The following BLMH variants were observed in gnomAD, a reference collection of about 807,000 sequenced individuals.
The protein encoded by BLMH is BLM hydrolase.
In BLMH, 32 loss-of-function variants were observed where a neutral mutation model predicts 61.6. The observed-to-expected ratio is 0.52, with a 90% CI of 0.39 to 0.70. The LOEUF (loss-of-function observed/expected upper bound fraction) is 0.70. Ranked by LOEUF, BLMH falls within the 30% of genes least tolerant of loss-of-function variation. The pLI, the probability that BLMH is intolerant of heterozygous loss-of-function variation, is 0.00. For synonymous variants in BLMH, 183 were observed against 193.8 expected (o/e 0.94, Z 0.46); for missense variants, 460 against 555.5 (o/e 0.83, Z 1.73).
At chr17:30,265,347 C>T (rs184678545) in intron 11 of BLMH, among the ~76,000 whole-genome samples, 1 of 152,252 alleles carries the variant, frequency 6.6e-6, no homozygotes, top group Non-Finnish European at 1.5e-5. Context: ...CTCAGCTTAA[C>T]AGGCTCTTCT....
intron 11 of BLMH, among the ~76,000 whole-genome samples, chr17:30,251,429 T>C (rs1907664710): frequency 6.6e-6 from 1 of 152,236 alleles, no homozygotes; most frequent in Non-Finnish European, 1.5e-5. Context: ...CGATGTGTAC[T>C]GAATCAAGAG....
intron 6 of BLMH, among the ~76,000 whole-genome samples, chr17:30,282,219 G>GTT (rs74886535): frequency 0.023 from 2,850 of 122,120 alleles, 92 homozygotes; most frequent in African/African-American, 0.068. Context: ...AACAGACAAG[G>GTT]TTTTTTTTTT....
intron 11 of BLMH, among the ~76,000 whole-genome samples, chr17:30,256,739 A>C (rs1208011813): frequency 6.6e-6 from 1 of 152,166 alleles, no homozygotes; most frequent in Admixed American, 6.5e-5. Flanking sequence ...AAAAAACAAA[A>C]AAAAAAGAAG....
At chr17:30,278,556 C>T (rs1223045771) in intron 6 of BLMH, among the ~76,000 whole-genome samples, 2 of 152,218 alleles carry the variant, frequency 1.3e-5, no homozygotes, top group Admixed American at 6.5e-5. Flanking sequence ...CCTACTAGAA[C>T]ATCAACTACA....
rs149577168 is a variant in BLMH at position 30,288,507 on chromosome 17, G to A, written c.322-560C>T. ...AGCTGGGAGGACAGGTGTGCACCACGCGTGGCTAATTTTTGTATTTTTTGT... is the reference window on the plus strand; with the variant it reads ...AGCTGGGAGGACAGGTGTGCACCACACGTGGCTAATTTTTGTATTTTTTGT... On this transcript the variant is annotated intron_variant, in intron 3 of 11. Transcript: ENST00000261714. Among the ~76,000 whole-genome samples, 49 of 151,970 alleles carry A rather than the reference G, an allele frequency of 3.2e-4. 1 individual carries two copies. Among genetic ancestry groups the A allele is most frequent in the African/African-American group, 1.0e-3 (43 of 41,340 alleles).
At chr17:30,262,779 A>G (rs1344879972) in intron 11 of BLMH, among the ~76,000 whole-genome samples, 1 of 152,242 alleles carries the variant, frequency 6.6e-6, no homozygotes, top group Non-Finnish European at 1.5e-5. Context: ...TGGGCAACAG[A>G]GCAAGACTCC....
In BLMH at chr17:30,289,786, T is replaced by C. The variant is rs575647554; in HGVS notation, c.212-304A>G. Among the ~76,000 whole-genome samples, 29 of 152,332 alleles carry C rather than the reference T, an allele frequency of 1.9e-4. No individual in the cohort carries two copies. In the East Asian group the frequency reaches 4.4e-3, roughly 23 times the overall value. ...AAAATAAATTAACTGAGAGCGCCAT[T>C]AGAAAAGTCTTTTAAGGTCTTAAAT... On this transcript the variant is annotated intron_variant, in intron 2 of 11. Coordinates refer to ENST00000261714, the MANE Select transcript of BLMH (RefSeq NM_000386.4).
At chr17:30,256,738 A>C (rs1907829546) in intron 11 of BLMH, among the ~76,000 whole-genome samples, 1 of 152,142 alleles carries the variant, frequency 6.6e-6, no homozygotes, top group African/African-American at 2.4e-5. Flanking sequence ...AAAAAAACAA[A>C]AAAAAAAGAA....
At chr17:30,279,919 T>C (rs1908538579) in intron 6 of BLMH, among the ~76,000 whole-genome samples, 2 of 152,116 alleles carry the variant, frequency 1.3e-5, no homozygotes, top group Admixed American at 6.5e-5. Context: ...GAATGAGATA[T>C]GAAATAAGGG....
intron 11 of BLMH, among the ~76,000 whole-genome samples, chr17:30,255,478 CTGG>C (rs1297279140): frequency 1.3e-5 from 2 of 152,180 alleles, no homozygotes; most frequent in African/African-American, 4.8e-5. Context: ...TAATCAATAT[CTGG>C]TATACATAAT....
Position 30,252,533 on chromosome 17 carries a change from CAAAAAAAAAAA to C in BLMH, c.1217-3376_1217-3366del, listed in dbSNP as rs34594289. ...GCAACATGGCGAAACCCCATCCTCACAAAAAAAAAAAAAAAAAAAAAAAAAATTAGCTGGTG... is the reference window on the plus strand; with the variant it reads ...GCAACATGGCGAAACCCCATCCTCACAAAAAAAAAAAAAAATTAGCTGGTG... On this transcript the variant is annotated intron_variant, in intron 11 of 11. Transcript: ENST00000261714. Among the ~76,000 whole-genome samples, 148 of 66,396 alleles carry C rather than the reference CAAAAAAAAAAA, an allele frequency of 2.2e-3. 1 individual carries two copies. Among genetic ancestry groups the C allele is most frequent in the African/African-American group, 6.7e-3 (132 of 19,668 alleles). The allele number at this position is 66,396 out of a possible 152,430, so 43.6% of individuals were successfully genotyped here.
rs7342921 is a variant in BLMH at position 30,285,430 on chromosome 17, G to C, written c.603C>G (p.Thr201=). The C allele has an allele frequency of 0.32, 509,265 of 1,609,002 alleles. 82,324 individuals are homozygous for C. Among genetic ancestry groups the C allele is most frequent in the Admixed American group, 0.35 (20,594 of 59,354 alleles). The change falls in exon 6 of 12, where the codon ACC becomes ACG. Residue 201 remains threonine, a synonymous_variant. Transcript: ENST00000261714. ...RLRNLVHSGA[T]KGEISATQDV... is the part of the protein sequence containing the mutation. ...CCTGTGTGGCCGAGATTTCTCCTTT[G>C]GTTGCTCCACTGTGTACCAGGTTCC...
At chr17:30,290,828 C>A (rs1348858123) in intron 2 of BLMH, among the ~76,000 whole-genome samples, 1 of 152,164 alleles carries the variant, frequency 6.6e-6, no homozygotes, top group Non-Finnish European at 1.5e-5. Context: ...GGAACTGAGC[C>A]CATCAGCACA....
chr17:30,255,903 AAGAG>A (rs923932954), intron 11 of BLMH, among the ~76,000 whole-genome samples: 4 of 152,102 alleles, frequency 2.6e-5, no homozygotes, highest in Non-Finnish European at 2.9e-5. Flanking sequence ...TCTCAAAAAA[AAGAG>A]AGAGAGACAA....
intron 11 of BLMH, among the ~76,000 whole-genome samples, chr17:30,263,364 T>C (rs1908014870): frequency 6.6e-6 from 1 of 152,208 alleles, no homozygotes; most frequent in Admixed American, 6.5e-5. Context: ...AATATTTTTA[T>C]CAACTTTTCA....
At chr17:30,287,746 C>G in intron 4 of BLMH, 60 bp downstream of exon 4, 1 of 1,590,220 alleles carries the variant, frequency 6.3e-7, no homozygotes, top group Non-Finnish European at 8.6e-7. Context: ...TGGCCCATGC[C>G]TAACTACAGG....
At chr17:30,256,550 G>A (rs182554287) in intron 11 of BLMH, among the ~76,000 whole-genome samples, 20 of 152,200 alleles carry the variant, frequency 1.3e-4, no homozygotes, top group South Asian at 6.2e-4. Context: ...GGCTGGTCTC[G>A]AACTCCTGAC....
intron 11 of BLMH, among the ~76,000 whole-genome samples, chr17:30,261,198 GCTGT>G (rs1907948523): frequency 6.6e-6 from 1 of 152,178 alleles, no homozygotes; most frequent in Non-Finnish European, 1.5e-5. Flanking sequence ...TTTTAGGGAA[GCTGT>G]CTGTGTCAAA....
chr17:30,286,447 GCT>G (rs1010183800), intron 5 of BLMH, among the ~76,000 whole-genome samples: 4 of 152,198 alleles, frequency 2.6e-5, no homozygotes, highest in African/African-American at 9.7e-5. Flanking sequence ...CTTGCGAATA[GCT>G]CTTTTTGGTT....
Sources: allele counts gnomAD v4.1 joint callset (sites outside exome capture counted in the v4.1 genomes callset), GRCh38; gene constraint gnomAD v4.1.1; transcripts MANE v1.5; gene names NCBI Gene and HGNC (gene_info 2026-07-23, HGNC 2026-07-21).